Variants in TAFA4 observed in about 807,000 individuals in gnomAD.
TAFA4 encodes chemokine-like protein TAFA-4.
In TAFA4, 20 loss-of-function variants were observed where a neutral mutation model predicts 21.1. The ratio of observed to expected loss-of-function variants is 0.95; its 90% confidence interval spans 0.67 to 1.38. The LOEUF (loss-of-function observed/expected upper bound fraction) is 1.38, where lower values mean the gene tolerates loss of function less well. TAFA4 is among the 40% of genes most tolerant of loss of function. TAFA4 has a pLI of 0.00. For synonymous variants in TAFA4, 71 were observed against 67.4 expected, an observed-to-expected ratio of 1.05 and a Z score of -0.26; for missense variants, 211 against 180.9, an observed-to-expected ratio of 1.17 and a Z score of -0.95.
At chr3:68,853,166 G>C (rs1430089518) in intron 3 of TAFA4, among the ~76,000 whole-genome samples, 1 of 152,004 alleles carries the variant, frequency 6.6e-6, no homozygotes, top group Non-Finnish European at 1.5e-5. Context: ...TATAAACTTA[G>C]AGTGTCACAA....
chr3:68,814,080 A>C (rs1703904769), intron 3 of TAFA4, among the ~76,000 whole-genome samples: 2 of 152,186 alleles, frequency 1.3e-5, no homozygotes, highest in African/African-American at 4.8e-5. Flanking sequence ...TGATTATCTC[A>C]ACAGACGCAG....
intron 1 of TAFA4, among the ~76,000 whole-genome samples, chr3:68,909,382 C>T (rs1039894414): frequency 6.6e-6 from 1 of 152,152 alleles, no homozygotes; most frequent in Non-Finnish European, 1.5e-5. Flanking sequence ...GAGGGCAGGA[C>T]CTGTCGTCAC....
At chr3:68,740,853 C>G (rs1247780320) in intron 4 of TAFA4, among the ~76,000 whole-genome samples, 1 of 152,164 alleles carries the variant, frequency 6.6e-6, no homozygotes, top group East Asian at 1.9e-4. Context: ...TAACTTCATT[C>G]TTTTGCATGG....
chr3:68,890,528 A>T (rs954647301), intron 1 of TAFA4, among the ~76,000 whole-genome samples: 1 of 152,196 alleles, frequency 6.6e-6, no homozygotes, highest in African/African-American at 2.4e-5. Context: ...ACACTGACAT[A>T]GCGCCTGCTA....
At chr3:68,892,656 C>T (rs1349768763) in intron 1 of TAFA4, among the ~76,000 whole-genome samples, 4 of 152,130 alleles carry the variant, frequency 2.6e-5, no homozygotes, top group Admixed American at 2.0e-4. Context: ...AATAGACATG[C>T]TATGTTTATA....
chr3:68,781,091 A>T (rs111533088), intron 3 of TAFA4, among the ~76,000 whole-genome samples: 1 of 152,112 alleles, frequency 6.6e-6, no homozygotes, highest in Non-Finnish European at 1.5e-5. Context: ...ATGTTTTAAT[A>T]CAATGAAAAT....
chr3:68,740,906 C>T (rs923708352), intron 4 of TAFA4, among the ~76,000 whole-genome samples: 1 of 152,130 alleles, frequency 6.6e-6, no homozygotes, highest in Non-Finnish European at 1.5e-5. Context: ...AGAGACTATC[C>T]TTTCCCCATT....
At chr3:68,909,113 G>T (rs1157158077) in intron 1 of TAFA4, among the ~76,000 whole-genome samples, 1 of 152,050 alleles carries the variant, frequency 6.6e-6, no homozygotes, top group Admixed American at 6.6e-5. Context: ...TACCAAGTCG[G>T]GCTGCACAGC....
chr3:68,826,632 A>G (rs1704246818), intron 3 of TAFA4, among the ~76,000 whole-genome samples: 2 of 152,226 alleles, frequency 1.3e-5, no homozygotes, highest in East Asian at 1.9e-4. Context: ...GTAAAATAAT[A>G]TAAGTGAGCA....
intron 3 of TAFA4, among the ~76,000 whole-genome samples, chr3:68,843,316 A>C (rs1704710045): frequency 1.3e-5 from 2 of 152,096 alleles, no homozygotes. Flanking sequence ...TTCACTCATG[A>C]TTTGGCTCTC....
rs142027452 is a variant in TAFA4, at chr3:68,887,847, T to G, written c.-122-2537A>C. Among the ~76,000 whole-genome samples the G allele has an allele frequency of 9.9e-5, 15 of 152,132 alleles. 1 individual carries two copies. In the East Asian group the frequency reaches 2.1e-3, roughly 22 times the overall value. ...ATCTCTGAAATATCATCAGGGTAAT[T>G]TTCTCATTGTCTTGAACAGCAAGCA... On this transcript the variant is annotated intron_variant, in intron 1 of 5. Transcript: ENST00000295569.
chr3:68,757,111 T>C (rs1468884130), intron 3 of TAFA4, among the ~76,000 whole-genome samples: 1 of 152,128 alleles, frequency 6.6e-6, no homozygotes, highest in Non-Finnish European at 1.5e-5. Context: ...ACCATAGACA[T>C]AGACTGGGTG....
intron 3 of TAFA4, among the ~76,000 whole-genome samples, chr3:68,810,787 A>G (rs1027010228): frequency 3.9e-5 from 6 of 152,218 alleles, no homozygotes; most frequent in Non-Finnish European, 8.8e-5. Flanking sequence ...AACTCTGCAG[A>G]CTTAAATGTC....
intron 2 of TAFA4, 116 bp from the exon 3 acceptor site, chr3:68,880,961 T>G (rs1027091827): frequency 5.6e-6 from 4 of 713,038 alleles, no homozygotes; most frequent in Admixed American, 2.7e-5. Context: ...CTGGAATTCC[T>G]TTCTCCCAAG....
chr3:68,804,899 A>G (rs535562761), intron 3 of TAFA4, among the ~76,000 whole-genome samples: 1 of 152,348 alleles, frequency 6.6e-6, no homozygotes, highest in African/African-American at 2.4e-5. Context: ...ATGGGCAAGG[A>G]CTTCATGTCT....
intron 3 of TAFA4, among the ~76,000 whole-genome samples, chr3:68,811,173 G>A (rs776872080): frequency 7.2e-5 from 11 of 152,080 alleles, no homozygotes; most frequent in African/African-American, 1.4e-4. Flanking sequence ...CCCATCTGTC[G>A]GTCACCATCA....
intron 4 of TAFA4, among the ~76,000 whole-genome samples, chr3:68,743,936 A>G (rs1454155233): frequency 6.6e-6 from 1 of 152,226 alleles, no homozygotes; most frequent in Non-Finnish European, 1.5e-5. Context: ...TCTTGTCTGA[A>G]TACCACAGAT....
At chr3:68,787,210 T>C (rs17047993) in intron 3 of TAFA4, among the ~76,000 whole-genome samples, 2,701 of 152,230 alleles carry the variant, frequency 0.018, 68 homozygotes, top group African/African-American at 0.062. Flanking sequence ...ATAAAGCTAA[T>C]GTTAAGGGGA....
intron 3 of TAFA4, among the ~76,000 whole-genome samples, chr3:68,824,445 A>G (rs1315303803): frequency 6.9e-6 from 1 of 144,134 alleles, no homozygotes; most frequent in Non-Finnish European, 1.5e-5. Flanking sequence ...CGTTTCCATC[A>G]TCATATCTCC....
Sources: gnomAD v4.1 joint callset for allele counts (sites outside exome capture counted in the v4.1 genomes callset) on GRCh38, gnomAD v4.1.1 for gene constraint, MANE v1.5 for transcripts, NCBI Gene and HGNC (gene_info 2026-07-23, HGNC 2026-07-21) for gene names.